Variants in CENPW observed in about 807,000 individuals in gnomAD.
The protein encoded by CENPW is cancer-up-regulated gene 2 protein.
In CENPW, 3 loss-of-function variants were observed where a neutral mutation model predicts 11.1. That is an observed-to-expected ratio of 0.27 (90% CI 0.12 to 0.70). The LOEUF (loss-of-function observed/expected upper bound fraction) is 0.70. Among genes scored for constraint, CENPW ranks in the 30% least tolerant of loss-of-function variants. CENPW has a pLI of 0.77. For synonymous variants in CENPW, 38 were observed against 42.0 expected, an observed-to-expected ratio of 0.91 and a Z score of 0.37; for missense variants, 100 against 105.6, an observed-to-expected ratio of 0.95 and a Z score of 0.23.
At chr6:126,426,387 A>G in the CENPW span, among the ~76,000 whole-genome samples, 10 of 152,244 alleles carry the variant, frequency 6.6e-5, no homozygotes, top group African/African-American at 2.4e-4. Flanking sequence ...GTGCCTCCTG[A>G]AAGTTGTTTA....
the CENPW span, among the ~76,000 whole-genome samples, chr6:126,472,557 A>G: frequency 6.5e-4 from 99 of 152,292 alleles, no homozygotes; most frequent in African/African-American, 1.7e-3. Flanking sequence ...TTATCCATTC[A>G]TGTGTTGAGG....
the CENPW span, among the ~76,000 whole-genome samples, chr6:126,462,957 CAT>C: frequency 7.2e-5 from 11 of 151,976 alleles, no homozygotes; most frequent in African/African-American, 2.7e-4. Flanking sequence ...TTATCTAAAA[CAT>C]ATCATTTTGG....
At chr6:126,455,155 G>A in the CENPW span, among the ~76,000 whole-genome samples, 1 of 151,250 alleles carries the variant, frequency 6.6e-6, no homozygotes, top group South Asian at 2.1e-4. Context: ...ACAAAAGCTG[G>A]TACCATTCCT....
the CENPW span, among the ~76,000 whole-genome samples, chr6:126,404,602 G>T: frequency 6.6e-6 from 1 of 152,020 alleles, no homozygotes; most frequent in African/African-American, 2.4e-5. Flanking sequence ...TTTCCTAATG[G>T]ATGTAATAAC....
At chr6:126,467,109 C>A in the CENPW span, among the ~76,000 whole-genome samples, 4 of 152,076 alleles carry the variant, frequency 2.6e-5, no homozygotes, top group African/African-American at 9.7e-5. Context: ...TACCAACTAC[C>A]AATGACACTT....
chr6:126,342,969 G>A (rs1023701144), intron 1 of CENPW, among the ~76,000 whole-genome samples: 1 of 151,984 alleles, frequency 6.6e-6, no homozygotes, highest in Non-Finnish European at 1.5e-5. Flanking sequence ...TTAGCCCCAG[G>A]GATGGTACTA....
At chr6:126,467,556 T>G in the CENPW span, among the ~76,000 whole-genome samples, 2 of 152,092 alleles carry the variant, frequency 1.3e-5, no homozygotes, top group African/African-American at 2.4e-5. Flanking sequence ...CTGGAACAAT[T>G]TGCTCAACAA....
the CENPW span, among the ~76,000 whole-genome samples, chr6:126,463,129 T>C: frequency 6.6e-6 from 1 of 151,990 alleles, no homozygotes; most frequent in African/African-American, 2.4e-5. Context: ...ACAGACACAT[T>C]CCTCTCTTAT....
chr6:126,473,897 A>G, the CENPW span, among the ~76,000 whole-genome samples: 2 of 148,382 alleles, frequency 1.3e-5, no homozygotes, highest in Non-Finnish European at 3.0e-5. Flanking sequence ...CACAGCATAG[A>G]TATATAGAAT....
At chr6:126,468,264 T>C in the CENPW span, among the ~76,000 whole-genome samples, 1 of 151,524 alleles carries the variant, frequency 6.6e-6, no homozygotes, top group South Asian at 2.1e-4. Context: ...CTACTAAAAA[T>C]ACAAAATTAC....
At chr6:126,428,582 C>A in the CENPW span, among the ~76,000 whole-genome samples, 1 of 152,090 alleles carries the variant, frequency 6.6e-6, no homozygotes, top group Admixed American at 6.6e-5. Flanking sequence ...ATGGGAACAC[C>A]CGCTTTGCTC....
chr6:126,404,444 C>A, the CENPW span, among the ~76,000 whole-genome samples: 2 of 152,062 alleles, frequency 1.3e-5, no homozygotes, highest in Non-Finnish European at 2.9e-5. Context: ...CCATACCTGG[C>A]TACTGTGAAC....
At chr6:126,390,378 A>G in the CENPW span, among the ~76,000 whole-genome samples, 12 of 151,934 alleles carry the variant, frequency 7.9e-5, no homozygotes, top group Non-Finnish European at 1.5e-4. Context: ...AGCACAGAAG[A>G]TATTTTGATA....
chr6:126,478,410 ATCTCTCTCTC>A, the CENPW span, among the ~76,000 whole-genome samples: 1 of 146,804 alleles, frequency 6.8e-6, no homozygotes, highest in African/African-American at 2.5e-5. Flanking sequence ...GTCTCTCTTT[ATCTCTCTCTC>A]TCTCTCTCTC....
the CENPW span, among the ~76,000 whole-genome samples, chr6:126,481,972 A>G: frequency 7.2e-5 from 11 of 152,116 alleles, no homozygotes; most frequent in Non-Finnish European, 1.6e-4. Context: ...TCATTTGGAT[A>G]TATTACTTTG....
the CENPW span, among the ~76,000 whole-genome samples, chr6:126,429,744 A>T: frequency 1.3e-5 from 2 of 152,324 alleles, no homozygotes; most frequent in East Asian, 3.9e-4. Context: ...GAGTTTTAAA[A>T]ATATATTTAT....
the CENPW span, among the ~76,000 whole-genome samples, chr6:126,411,937 C>T: frequency 5.5e-5 from 3 of 54,946 alleles, no homozygotes; most frequent in African/African-American, 2.1e-4. Flanking sequence ...TTCTTCTTCC[C>T]TCCCTCCTTT....
At chr6:126,365,551 C>T in the CENPW span, among the ~76,000 whole-genome samples, 2 of 152,140 alleles carry the variant, frequency 1.3e-5, no homozygotes, top group Non-Finnish European at 2.9e-5. Context: ...GGGAAGTCCG[C>T]CCCTCTGAAC....
the CENPW span, among the ~76,000 whole-genome samples, chr6:126,430,477 A>G: frequency 6.6e-6 from 1 of 152,210 alleles, no homozygotes. Context: ...CATTGTCTGT[A>G]TCTTTGCTAT....
Sources: gnomAD v4.1 joint callset for allele counts (sites outside exome capture counted in the v4.1 genomes callset) on GRCh38, gnomAD v4.1.1 for gene constraint, MANE v1.5 for transcripts, NCBI Gene and HGNC (gene_info 2026-07-23, HGNC 2026-07-21) for gene names.